The following CFH variants were observed in gnomAD, a reference collection of about 807,000 sequenced individuals.
CFH encodes the protein H factor 1 (complement).
CFH carries 53 observed loss-of-function variants against 147.3 expected under a neutral mutation model. The ratio of observed to expected loss-of-function variants is 0.36; its 90% CI spans 0.29 to 0.45. The LOEUF is 0.45. Among genes scored for constraint, CFH ranks in the 20% least tolerant of loss-of-function variants. The pLI is 1.00. For synonymous variants in CFH, 536 were observed against 489.4 expected (o/e 1.10, Z -1.26); for missense variants, 1,380 against 1,498.0 (o/e 0.92, Z 1.30).
At chr1:196,656,072 C>T (rs1396406186) in intron 1 of CFH, among the ~76,000 whole-genome samples, 1 of 152,058 alleles carries the variant, frequency 6.6e-6, no homozygotes, top group Non-Finnish European at 1.5e-5. Context: ...TTGGGAGGCC[C>T]AGGTGGGTGG....
intron 7 of CFH, among the ~76,000 whole-genome samples, chr1:196,685,525 G>T (rs1041804654): frequency 2.6e-5 from 4 of 151,834 alleles, no homozygotes; most frequent in African/African-American, 9.7e-5. Flanking sequence ...TACTATATTA[G>T]TTATTTATTG....
chr1:196,736,916 T>C lies in CFH; in HGVS notation c.2506T>C (p.Ser836Pro). Residue 836 changes from serine (S) to proline (P), a missense_variant, in exon 16 of 22, where the codon TCT becomes CCT. Transcript: ENST00000367429. ...TLNYRDGEKV[S>P]VLCQENYLIQ... is the part of the protein sequence containing the mutation. ...GAATTATCGGGATGGAGAAAAAGTA[T>C]CTGTTCTTTGCCAAGAAAATTATCT... The C allele has an allele frequency of 1.9e-6, 3 of 1,611,172 alleles. No homozygotes were observed. The highest frequency in any genetic ancestry group is 2.5e-6 in the Non-Finnish European group (3 of 1,178,122).
At chr1:196,707,064 A>G (rs2149098970) in intron 9 of CFH, among the ~76,000 whole-genome samples, 1 of 152,258 alleles carries the variant, frequency 6.6e-6, no homozygotes, top group East Asian at 1.9e-4. Flanking sequence ...GTAGCCTAGG[A>G]CACCATATAT....
At chr1:196,724,513 C>A (rs1032341254) in intron 11 of CFH, among the ~76,000 whole-genome samples, 1 of 152,110 alleles carries the variant, frequency 6.6e-6, no homozygotes, top group East Asian at 1.9e-4. Flanking sequence ...CTGCAGGGAG[C>A]CCAGAAGACT....
chr1:196,726,840 A>C lies in CFH; in HGVS notation c.2136A>C (p.Gly712=). ...AQLSSPPYYY[G]DSVEFNCSES... ...TTTCTTCCCCTCCTTATTACTATGG[A>C]GATTCAGTGGAATTCAATTGCTCAG... Residue 712 remains glycine, a synonymous_variant, in exon 14 of 22, where the codon GGA becomes GGC. Transcript: ENST00000367429. The C allele has an allele frequency of 1.2e-6, 2 of 1,613,756 alleles. No homozygotes were observed. Among genetic ancestry groups the C allele is most frequent in the East Asian group, 2.2e-5 (1 of 44,850 alleles).
chr1:196,700,098 C>T (rs1668405941), intron 9 of CFH, among the ~76,000 whole-genome samples: 1 of 152,170 alleles, frequency 6.6e-6, no homozygotes, highest in African/African-American at 2.4e-5. Context: ...AGAAACTCAA[C>T]TTAGGGAAGA....
intron 7 of CFH, among the ~76,000 whole-genome samples, chr1:196,686,566 A>G (rs1339210980): frequency 2.6e-5 from 4 of 152,134 alleles, no homozygotes; most frequent in African/African-American, 9.7e-5. Flanking sequence ...TATATATTCC[A>G]TGAAAGAAAA....
chr1:196,677,850 A>G lies in CFH; in HGVS notation c.619+183A>G, dbSNP rs1025657504. ...ATCATTTCATTTTAACTTTCAAAAAACTCCATGATTTACTTACTCATCACT... is the reference window on the plus strand; with the variant it reads ...ATCATTTCATTTTAACTTTCAAAAAGCTCCATGATTTACTTACTCATCACT... On this transcript the variant is annotated intron_variant, in intron 5 of 21. Coordinates refer to ENST00000367429, the MANE Select transcript of CFH (RefSeq NM_000186.4). 5.0e-6 allele frequency: 3 copies of G among 603,898 alleles called. No individual in the cohort carries two copies. The African/African-American group carries it at 5.6e-5, about 11-fold the overall frequency. The allele number at this position is 603,898 out of a possible 1,614,324, so 37.4% of individuals were successfully genotyped here.
rs2878649 is a variant in CFH, at chr1:196,744,930, T to A, written c.3311-887T>A. Among the ~76,000 whole-genome samples the A allele has an allele frequency of 3.9e-5, 6 of 152,226 alleles. No homozygotes were observed. The East Asian group carries it at 1.2e-3, about 29-fold the overall frequency. ...CTTTCTCTGAGAATGTCTGTATTGATCCCCTTACTTGTAAAAGATCGTGTC... is the reference window on the plus strand; with the variant it reads ...CTTTCTCTGAGAATGTCTGTATTGAACCCCTTACTTGTAAAAGATCGTGTC... On this transcript the variant is annotated intron_variant, in intron 20 of 21. Coordinates refer to ENST00000367429, the MANE Select transcript of CFH (RefSeq NM_000186.4).
intron 9 of CFH, among the ~76,000 whole-genome samples, chr1:196,709,679 A>G (rs185415409): frequency 1.3e-5 from 2 of 152,304 alleles, no homozygotes; most frequent in Non-Finnish European, 2.9e-5. Context: ...CTACCCTAGG[A>G]TAAAGAAGCC....
At position 196,747,187 on chromosome 1, in the gene CFH, T is replaced by C. The variant is rs369371759; in HGVS notation, c.3570T>C (p.Tyr1190=). The change falls in exon 22 of 22, where the codon TAT becomes TAC. Residue 1190 remains tyrosine, a synonymous_variant. Coordinates refer to ENST00000367429, the MANE Select transcript of CFH (RefSeq NM_000186.4). The part of the protein sequence containing the change: ...ALRWTAKQKL[Y]SRTGESVEFV... The stretch of plus-strand genomic sequence containing the variant: ...GGTGGACAGCCAAACAGAAGCTTTA[T>C]TCGAGAACAGGTGAATCAGTTGAAT... The C allele has an allele frequency of 6.2e-7, 1 of 1,613,808 alleles. No individual in the cohort carries two copies.
intron 1 of CFH, among the ~76,000 whole-genome samples, chr1:196,665,167 C>CT (rs1421729717): frequency 1.3e-5 from 2 of 151,568 alleles, no homozygotes; most frequent in Non-Finnish European, 1.5e-5. Context: ...GTGTTTAGTG[C>CT]TTTTGTTACT....
intron 10 of CFH, 61 bp downstream of exon 10, chr1:196,713,978 T>C: frequency 2.7e-6 from 4 of 1,486,252 alleles, no homozygotes; most frequent in Non-Finnish European, 1.9e-6. Flanking sequence ...TTACTAACTT[T>C]AGTCTTTTTG....
rs554795349 is a variant in CFH at position 196,659,969 on chromosome 1, T to C, written c.58+7794T>C. Among the ~76,000 whole-genome samples the C allele has an allele frequency of 1.1e-4, 16 of 152,262 alleles. No homozygotes were observed. In the South Asian group the frequency reaches 3.3e-3, roughly 32 times the overall value. ...GAGCTTACATTTTGATGTGGGGAGATAGATAGAAAACCTAATGAACAAAAA... is the reference window on the plus strand; with the variant it reads ...GAGCTTACATTTTGATGTGGGGAGACAGATAGAAAACCTAATGAACAAAAA... On this transcript the variant is annotated intron_variant, in intron 1 of 21. Coordinates refer to ENST00000367429, the MANE Select transcript of CFH (RefSeq NM_000186.4).
At chr1:196,737,682 A>G in intron 17 of CFH, 22 bp downstream of exon 17, 1 of 1,598,970 alleles carries the variant, frequency 6.3e-7, no homozygotes, top group South Asian at 1.1e-5. Flanking sequence ...ATGAATACTC[A>G]ATTTCTGTTT....
At chr1:196,739,660 T>A (rs1652734934) in intron 17 of CFH, among the ~76,000 whole-genome samples, 1 of 152,174 alleles carries the variant, frequency 6.6e-6, no homozygotes, top group African/African-American at 2.4e-5. Flanking sequence ...CCACATCTTG[T>A]CTTCTGAGCC....
At chr1:196,655,621 C>T (rs183596254) in intron 1 of CFH, among the ~76,000 whole-genome samples, 92 of 152,252 alleles carry the variant, frequency 6.0e-4, no homozygotes, top group Non-Finnish European at 1.1e-3. Context: ...GTTTATTCTG[C>T]AGTCTTTTGC....
chr1:196,706,759 A>T (rs1668599590), intron 9 of CFH, among the ~76,000 whole-genome samples: 1 of 152,176 alleles, frequency 6.6e-6, no homozygotes, highest in Non-Finnish European at 1.5e-5. Context: ...TAATTTAAAA[A>T]TACCTACTTG....
At chr1:196,694,852 T>C (rs1417444190) in intron 9 of CFH, among the ~76,000 whole-genome samples, 1 of 152,148 alleles carries the variant, frequency 6.6e-6, no homozygotes, top group Non-Finnish European at 1.5e-5. Context: ...GATGGGGTTG[T>C]TTGTTTCTTT....
Sources: allele counts gnomAD v4.1 joint callset (sites outside exome capture counted in the v4.1 genomes callset), GRCh38; gene constraint gnomAD v4.1.1; transcripts MANE v1.5; gene names NCBI Gene and HGNC (gene_info 2026-07-23, HGNC 2026-07-21).